Variants in LARGE1 observed in about 807,000 individuals in gnomAD.
LARGE1 encodes the protein LARGE xylosyl- and glucuronyltransferase 1.
In LARGE1, 43 loss-of-function variants were observed where a neutral mutation model predicts 87.6. The observed-to-expected ratio is 0.49, with a 90% CI of 0.38 to 0.63. LARGE1 has a LOEUF of 0.63. Among genes scored for constraint, LARGE1 ranks in the 30% least tolerant of loss-of-function variants. The probability of loss-of-function intolerance (pLI) is 0.00; values close to 1 mark genes in which losing one functional copy is unlikely to be tolerated. For synonymous variants in LARGE1, 434 were observed against 394.6 expected (o/e 1.10, Z -1.18); for missense variants, 802 against 1,000.2 (o/e 0.80, Z 2.67).
chr22:33,642,573 T>C (rs2080471267), intron 3 of LARGE1, among the ~76,000 whole-genome samples: 2 of 151,974 alleles, frequency 1.3e-5, no homozygotes, highest in Non-Finnish European at 1.5e-5. Flanking sequence ...ATGCCTCAGT[T>C]AAAAGACACA....
In LARGE1 at chr22:33,342,090, C is replaced by T. The variant is rs146481266; in HGVS notation, c.1132-4289G>A. On this transcript the variant is annotated intron_variant, in intron 9 of 14. Coordinates refer to ENST00000397394, the MANE Select transcript of LARGE1 (RefSeq NM_133642.5). Reference sequence around the variant, plus strand: ...CTTTTGAAGGGTAGGAGAGGGAAGACTCTCCCCTGAGAACACATTTGATCT... The same window carrying T: ...CTTTTGAAGGGTAGGAGAGGGAAGATTCTCCCCTGAGAACACATTTGATCT... Among the ~76,000 whole-genome samples the T allele has an allele frequency of 7.1e-3, 1,076 of 152,306 alleles. 4 individuals are homozygous for T. The highest frequency in any genetic ancestry group is 0.018 in the South Asian group (87 of 4,824).
chr22:33,189,062 G>C (rs1246133956), intron 11 of LARGE1, among the ~76,000 whole-genome samples: 1 of 152,100 alleles, frequency 6.6e-6, no homozygotes, highest in African/African-American at 2.4e-5. Context: ...AGAAAGACTA[G>C]GCAATACAGG....
chr22:33,860,903 A>G (rs577270587), intron 1 of LARGE1, among the ~76,000 whole-genome samples: 14 of 152,256 alleles, frequency 9.2e-5, no homozygotes, highest in African/African-American at 3.4e-4. Flanking sequence ...CTGATGACCT[A>G]CTGCACTGCC....
chr22:33,735,733 C>T (rs1278390320), intron 2 of LARGE1, among the ~76,000 whole-genome samples: 1 of 152,192 alleles, frequency 6.6e-6, no homozygotes, highest in African/African-American at 2.4e-5. Flanking sequence ...GTGCAGCCAT[C>T]ACCGCTATCT....
intron 11 of LARGE1, among the ~76,000 whole-genome samples, chr22:33,182,356 C>A (rs974612436): frequency 1.3e-5 from 2 of 152,102 alleles, no homozygotes; most frequent in African/African-American, 4.8e-5. Context: ...CTCTTTTACT[C>A]TTTCCTGTTT....
chr22:33,634,000 C>T (rs1329649636), intron 3 of LARGE1, among the ~76,000 whole-genome samples: 1 of 152,192 alleles, frequency 6.6e-6, no homozygotes, highest in Non-Finnish European at 1.5e-5. Context: ...CTGAGCTTCA[C>T]TCGCCTCATC....
chr22:33,161,428 A>G (rs762031116), downstream of LARGE1, among the ~76,000 whole-genome samples: 1 of 152,162 alleles, frequency 6.6e-6, no homozygotes, highest in Non-Finnish European at 1.5e-5. Flanking sequence ...TAACCCAATA[A>G]AAGTCCAAGT....
chr22:33,910,376 T>C (rs1026817627), intron 1 of LARGE1, among the ~76,000 whole-genome samples: 23 of 152,304 alleles, frequency 1.5e-4, no homozygotes, highest in African/African-American at 5.5e-4. Context: ...TAGTTGAAGA[T>C]GGCCAAGCAC....
chr22:33,166,959 C>A (rs115048431), intron 11 of LARGE1: 2 of 411,642 alleles, frequency 4.9e-6, no homozygotes, highest in Non-Finnish European at 1.0e-5. Flanking sequence ...AATTTCAGAG[C>A]GAAACTCCCC....
chr22:33,675,163 G>C (rs568905261), intron 2 of LARGE1, among the ~76,000 whole-genome samples: 30 of 151,474 alleles, frequency 2.0e-4, no homozygotes, highest in Admixed American at 6.6e-4. Flanking sequence ...GCATGGTGGC[G>C]CATGCCTGTA....
intron 2 of LARGE1, among the ~76,000 whole-genome samples, chr22:33,679,855 A>C (rs930302886): frequency 6.6e-6 from 1 of 152,156 alleles, no homozygotes; most frequent in African/African-American, 2.4e-5. Context: ...AAAACAAACA[A>C]ACAAACAAAA....
chr22:33,291,545 G>A (rs1262583868), intron 12 of LARGE1, among the ~76,000 whole-genome samples: 1 of 151,530 alleles, frequency 6.6e-6, no homozygotes, highest in East Asian at 1.9e-4. Context: ...GGGCCTTATG[G>A]GAGGTGTTTA....
At chr22:33,906,108 C>T (rs1261394311) in intron 1 of LARGE1, among the ~76,000 whole-genome samples, 1 of 151,882 alleles carries the variant, frequency 6.6e-6, no homozygotes, top group Non-Finnish European at 1.5e-5. Flanking sequence ...CCGGCCTGGG[C>T]AACGGAGCGA....
chr22:33,364,147 C>A (rs1180522120), intron 9 of LARGE1, among the ~76,000 whole-genome samples: 1 of 151,936 alleles, frequency 6.6e-6, no homozygotes, highest in African/African-American at 2.4e-5. Flanking sequence ...CTCCGCCCCC[C>A]GGGTTCACGC....
Position 33,896,419 on chromosome 22 carries a change from G to A in LARGE1, c.-83+23576C>T, listed in dbSNP as rs370568531. On this transcript the variant is annotated intron_variant, in intron 1 of 14. Transcript: ENST00000397394. ...AGTATGCAAATATCTCTTTAGAACTGTGCTTTCAACTCTTTTGGGTATATA... is the reference window on the plus strand; with the variant it reads ...AGTATGCAAATATCTCTTTAGAACTATGCTTTCAACTCTTTTGGGTATATA... Among the ~76,000 whole-genome samples the A allele has an allele frequency of 2.6e-5, 4 of 152,248 alleles. No individual in the cohort carries two copies. The East Asian group carries it at 5.8e-4, about 22-fold the overall frequency.
At chr22:33,157,393 T>G (rs1181080325), downstream of LARGE1, among the ~76,000 whole-genome samples, 2 of 152,198 alleles carry the variant, frequency 1.3e-5, no homozygotes, top group Non-Finnish European at 2.9e-5. Context: ...GTTTTCCCAC[T>G]TTTTTAAGGA....
Position 33,274,143 on chromosome 22 carries a change from T to C in LARGE1, c.*284A>G. 3.6e-6 allele frequency: 2 copies of C among 556,814 alleles called. No individual in the cohort carries two copies. The highest frequency in any genetic ancestry group is 4.1e-5 in the South Asian group (2 of 48,908). The allele number at this position is 556,814 out of a possible 1,614,324, so 34.5% of individuals were successfully genotyped here. ...ATCTTGTGGCTTTGCAGTAAGATGATAACCCTTTTACTCCCTGTCACCCCT... is the reference window on the plus strand; with the variant it reads ...ATCTTGTGGCTTTGCAGTAAGATGACAACCCTTTTACTCCCTGTCACCCCT... On this transcript the variant is annotated 3_prime_UTR_variant, in exon 15 of 15. Coordinates refer to ENST00000397394, the MANE Select transcript of LARGE1 (RefSeq NM_133642.5).
Position 33,287,411 on chromosome 22 carries a change from T to C in LARGE1, c.1731-4063A>G, listed in dbSNP as rs560995897. On this transcript the variant is annotated intron_variant, in intron 12 of 14. Transcript: ENST00000397394. Reference sequence around the variant, plus strand: ...TTCTGCAAACTCCCTTTCATCTCACTAAAATACAAACTGCCACAAAGATGG... The same window carrying C: ...TTCTGCAAACTCCCTTTCATCTCACCAAAATACAAACTGCCACAAAGATGG... Among the ~76,000 whole-genome samples the C allele has an allele frequency of 1.1e-4, 17 of 152,288 alleles. No individual in the cohort carries two copies. In the East Asian group the frequency reaches 3.3e-3, roughly 29 times the overall value.
intron 2 of LARGE1, among the ~76,000 whole-genome samples, chr22:33,718,903 GCCT>G (rs1243219139): frequency 3.3e-5 from 5 of 152,188 alleles, no homozygotes; most frequent in African/African-American, 4.8e-5. Context: ...CGATTCTCCT[GCCT>G]CAGCCTCCCA....
Sources: gnomAD v4.1 joint callset for allele counts (sites outside exome capture counted in the v4.1 genomes callset) on GRCh38, gnomAD v4.1.1 for gene constraint, MANE v1.5 for transcripts, NCBI Gene and HGNC (gene_info 2026-07-23, HGNC 2026-07-21) for gene names.